The following AHCTF1 variants were observed in gnomAD, a reference collection of about 807,000 sequenced individuals.
AHCTF1 encodes AT-hook containing transcription factor 1, also known as protein ELYS.
A neutral mutation model predicts 248.4 loss-of-function variants in AHCTF1; 24 were observed. That is an observed-to-expected ratio of 0.10 (90% CI 0.07 to 0.14). AHCTF1 has a LOEUF of 0.14. Ranked by LOEUF, AHCTF1 falls within the 10% of genes least tolerant of loss-of-function variation. AHCTF1 has a pLI of 1.00. For synonymous variants in AHCTF1, 786 were observed against 929.8 expected (o/e 0.85, Z 2.81); for missense variants, 2,206 against 2,636.2 (o/e 0.84, Z 3.57).
chr1:246,921,172 C>T lies in AHCTF1; in HGVS notation c.-7-2795G>A, dbSNP rs542854914. Among the ~76,000 whole-genome samples, 46 of 151,994 alleles carry T rather than the reference C, an allele frequency of 3.0e-4. 1 individual carries two copies. The highest frequency in any genetic ancestry group is 8.9e-4 in the African/African-American group (37 of 41,446). The stretch of plus-strand genomic sequence containing the variant: ...ACATTTATATAAGGTTAAAAAGACA[C>T]GCAGAACTAAGCAAAATATTGCTTA... On this transcript the variant is annotated intron_variant, in intron 1 of 35. Transcript: ENST00000648844.
At chr1:246,843,740 TA>T (rs71680437) in intron 34 of AHCTF1, 54 bp downstream of exon 34, 673,995 of 991,078 alleles carry the variant, frequency 0.68, 219,504 homozygotes, top group East Asian at 0.77. Context: ...AAAACATTTG[TA>T]AAAAAAAAAA....
chr1:246,884,740 A>G (rs979119587), intron 21 of AHCTF1, among the ~76,000 whole-genome samples: 3 of 152,232 alleles, frequency 2.0e-5, no homozygotes, highest in African/African-American at 7.2e-5. Flanking sequence ...GCAGAAACAA[A>G]GGTATCACTT....
intron 21 of AHCTF1, among the ~76,000 whole-genome samples, chr1:246,882,286 C>T (rs141296664): frequency 3.9e-5 from 6 of 152,124 alleles, no homozygotes; most frequent in Non-Finnish European, 5.9e-5. Flanking sequence ...CATGAGCCAC[C>T]GCACCTGGCC....
At position 246,922,856 on chromosome 1, in the gene AHCTF1, G is replaced by A. The variant is rs538631897; in HGVS notation, c.-7-4479C>T. 2.3e-3 allele frequency among the ~76,000 whole-genome samples: 354 copies of A among 150,974 alleles called. 1 individual carries two copies. The highest frequency in any genetic ancestry group is 4.2e-3 in the South Asian group (20 of 4,788). On this transcript the variant is annotated intron_variant, in intron 1 of 35. Coordinates refer to ENST00000648844, the MANE Select transcript of AHCTF1 (RefSeq NM_001323342.2). Reference sequence around the variant, plus strand: ...AAAATAGCCGGGCGTGGTGGCAGGCGCCTGTAGTCCCAGCTACTCGGGAGG... The same window carrying A: ...AAAATAGCCGGGCGTGGTGGCAGGCACCTGTAGTCCCAGCTACTCGGGAGG...
At chr1:246,867,556 T>C in intron 25 of AHCTF1, 105 bp downstream of exon 25, 1 of 1,400,824 alleles carries the variant, frequency 7.1e-7, no homozygotes, top group Non-Finnish European at 9.8e-7. Flanking sequence ...CTTTTTTACA[T>C]ACACTAATAA....
At chr1:246,883,809 T>C (rs149221187) in intron 21 of AHCTF1, among the ~76,000 whole-genome samples, 2,055 of 152,260 alleles carry the variant, frequency 0.013, 44 homozygotes, top group African/African-American at 0.042. Context: ...TTTTCCAACT[T>C]AAGAGAAATA....
chr1:246,918,054 C>T (rs1666265215), intron 2 of AHCTF1, among the ~76,000 whole-genome samples, 196 bp downstream of exon 2: 2 of 151,988 alleles, frequency 1.3e-5, no homozygotes, highest in South Asian at 4.2e-4. Flanking sequence ...TAACTATAAC[C>T]CCCCCAATCA....
intron 21 of AHCTF1, among the ~76,000 whole-genome samples, chr1:246,879,771 G>C (rs1384866643): frequency 6.6e-6 from 1 of 152,004 alleles, no homozygotes; most frequent in African/African-American, 2.4e-5. Context: ...AGAGGTTGCA[G>C]TGAGCCAAAA....
intron 1 of AHCTF1, among the ~76,000 whole-genome samples, chr1:246,927,336 T>C (rs916929232): frequency 6.6e-6 from 1 of 151,488 alleles, no homozygotes; most frequent in Non-Finnish European, 1.5e-5. Flanking sequence ...AAACAAGAAA[T>C]GTAGCAGCCA....
At chr1:246,875,263 A>G (rs1237145970) in intron 24 of AHCTF1, among the ~76,000 whole-genome samples, 1 of 151,466 alleles carries the variant, frequency 6.6e-6, no homozygotes, top group African/African-American at 2.4e-5. Context: ...CCTTACATAC[A>G]ATGACACAAC....
At chr1:246,916,514 C>T (rs1666158859) in intron 2 of AHCTF1, 119 bp from the exon 3 acceptor site, 8 of 903,618 alleles carry the variant, frequency 8.9e-6, no homozygotes, top group South Asian at 5.4e-5. Flanking sequence ...ATTATCTCCA[C>T]ATTGAAATCT....
chr1:246,856,603 C>A (rs1055495280), intron 30 of AHCTF1, among the ~76,000 whole-genome samples: 2 of 152,122 alleles, frequency 1.3e-5, no homozygotes, highest in Non-Finnish European at 2.9e-5. Flanking sequence ...CCTTCTCATG[C>A]GACTGCTCTT....
intron 3 of AHCTF1, among the ~76,000 whole-genome samples, chr1:246,913,657 T>C (rs1665956523): frequency 6.6e-6 from 1 of 152,212 alleles, no homozygotes; most frequent in South Asian, 2.1e-4. Context: ...AGCTTACTGA[T>C]ACGCCAGGCA....
intron 29 of AHCTF1, among the ~76,000 whole-genome samples, chr1:246,860,010 C>A (rs913662920): frequency 2.0e-5 from 3 of 152,060 alleles, no homozygotes; most frequent in African/African-American, 7.2e-5. Context: ...GCCTGTAATC[C>A]CAGCACTCTG....
chr1:246,861,990 T>C lies in AHCTF1; in HGVS notation c.3704A>G (p.Glu1235Gly), dbSNP rs2103068149. The C allele has an allele frequency of 6.2e-7, 1 of 1,612,182 alleles. No individual in the cohort carries two copies. The highest frequency in any genetic ancestry group is 2.2e-5 in the East Asian group (1 of 44,874). Reference sequence around the variant, plus strand: ...AATCCATTTTGGGTGGACATCTTCTTCCACAAATGAAATTCTAGTTTCTTT... The same window carrying C: ...AATCCATTTTGGGTGGACATCTTCTCCCACAAATGAAATTCTAGTTTCTTT... ...RLKETRISFV[E>G]EDVHPKWIPG... Residue 1235 changes from glutamate (E) to glycine (G), a missense_variant, in exon 28 of 36, where the codon GAA becomes GGA. Transcript: ENST00000648844.
intron 21 of AHCTF1, among the ~76,000 whole-genome samples, chr1:246,877,846 C>A (rs1663088504): frequency 6.6e-6 from 1 of 152,042 alleles, no homozygotes; most frequent in Non-Finnish European, 1.5e-5. Flanking sequence ...GCCATAAGAT[C>A]ATTTAAATGA....
Position 246,849,685 on chromosome 1 carries a change from C to G in AHCTF1, c.6321G>C (p.Leu2107Phe). 6.2e-7 allele frequency: 1 copy of G among 1,613,974 alleles called. No homozygotes were observed. Among genetic ancestry groups the G allele is most frequent in the Non-Finnish European group, 8.5e-7 (1 of 1,179,860 alleles). Residue 2107 changes from leucine (L) to phenylalanine (F), a missense_variant, in exon 33 of 36, where the codon TTG becomes TTC. Leu to Phe is a conservative substitution (Grantham distance 22). This residue lies in a region of AHCTF1 where 469 missense variants were observed against 470.0 expected (regional missense o/e 1.00). Coordinates refer to ENST00000648844, the MANE Select transcript of AHCTF1 (RefSeq NM_001323342.2). The part of the protein sequence containing the change: ...SRTRSSKAIL[L>F]PDLSEPNNEP... ...CATTGTTTGGTTCAGAAAGGTCCGG[C>G]AACAAGATGGCCTTGCTAGACCGAG...
rs1043156892 is a variant in AHCTF1 at position 246,885,505 on chromosome 1, A to G, written c.2648T>C (p.Leu883Ser). The G allele has an allele frequency of 6.3e-7, 1 of 1,595,966 alleles. No individual in the cohort carries two copies. The highest frequency in any genetic ancestry group is 8.5e-7 in the Non-Finnish European group (1 of 1,169,812). The change falls in exon 21 of 36, where the codon TTG (leucine) becomes TCG (serine). Residue 883 changes from leucine (L) to serine (S), a missense_variant. Physicochemically the swap from Leu to Ser is moderately radical, Grantham distance 145. Transcript: ENST00000648844. ...AAGATGTACTTACCTATTAAAAAGC[A>G]AAACAGTGAGGTGAAGGATAACATC... ...GNDVILHLTV[L>S]LFNRCMVEAW...
chr1:246,931,037 T>G (rs1667313614), intron 1 of AHCTF1: 5 of 1,465,072 alleles, frequency 3.4e-6, no homozygotes, highest in Admixed American at 2.5e-5. Flanking sequence ...GATGTGCTTT[T>G]ATTTTAAATC....
Sources: gnomAD v4.1 joint callset for allele counts (sites outside exome capture counted in the v4.1 genomes callset) on GRCh38, gnomAD v4.1.1 for gene constraint, gnomAD v4.1.1 regional missense constraint, MANE v1.5 for transcripts, NCBI Gene and HGNC (gene_info 2026-07-23, HGNC 2026-07-21) for gene names.